The following DNAJC5B variants were observed in gnomAD, a reference collection of about 807,000 sequenced individuals.
DNAJC5B encodes the protein dnaJ homolog subfamily C member 5B.
Under a neutral mutation model 24.7 loss-of-function variants are expected in DNAJC5B, and 23 were observed. The ratio of observed to expected loss-of-function variants is 0.93; its 90% confidence interval spans 0.67 to 1.32. The LOEUF (loss-of-function observed/expected upper bound fraction) is 1.32. DNAJC5B is among the 40% of genes most tolerant of loss of function. The pLI is 0.00. For synonymous variants in DNAJC5B, 101 were observed against 90.1 expected (o/e 1.12, Z -0.68); for missense variants, 238 against 240.8 (o/e 0.99, Z 0.08).
upstream of DNAJC5B, among the ~76,000 whole-genome samples, chr8:66,020,985 T>C (rs1484136257): frequency 6.6e-6 from 1 of 152,104 alleles, no homozygotes; most frequent in African/African-American, 2.4e-5. Context: ...TATCATCAAA[T>C]CTCAATGAAA....
chr8:66,022,420 C>G (rs143543389), intron 1 of DNAJC5B, among the ~76,000 whole-genome samples: 1 of 152,144 alleles, frequency 6.6e-6, no homozygotes, highest in African/African-American at 2.4e-5. Context: ...TGTGGACTCC[C>G]TTGGGTCTTA....
intron 5 of DNAJC5B, among the ~76,000 whole-genome samples, chr8:66,084,356 C>T (rs1389589579): frequency 1.3e-5 from 2 of 152,112 alleles, no homozygotes; most frequent in Non-Finnish European, 2.9e-5. Flanking sequence ...AGGTTTGAAT[C>T]CATTAGAAGG....
intron 5 of DNAJC5B, among the ~76,000 whole-genome samples, chr8:66,088,422 T>C (rs1047704468): frequency 2.0e-5 from 3 of 152,234 alleles, no homozygotes; most frequent in Non-Finnish European, 2.9e-5. Flanking sequence ...CCCATCATCT[T>C]GGCTATTAAC....
chr8:66,035,444 A>C lies in DNAJC5B; in HGVS notation c.-141-8044A>C, dbSNP rs576404316. Among the ~76,000 whole-genome samples the C allele has an allele frequency of 3.3e-5, 5 of 152,280 alleles. No homozygotes were observed. The East Asian group carries it at 9.6e-4, about 29-fold the overall frequency. On this transcript the variant is annotated intron_variant, in intron 1 of 5. Transcript: ENST00000276570. The stretch of plus-strand genomic sequence containing the variant: ...TAGGGTGGGCCCTTAATCCGATATG[A>C]CTGGAGTCCTCCTTAGAAAAGGAGA...
chr8:66,017,410 G>A (rs1469585838), upstream of DNAJC5B, among the ~76,000 whole-genome samples: 23 of 152,126 alleles, frequency 1.5e-4, no homozygotes, highest in Admixed American at 1.4e-3. Context: ...TACATGAGGT[G>A]GGTCCCATAG....
rs182686044 is a variant in DNAJC5B, at chr8:66,079,083, A to G, written c.334-1294A>G. The stretch of plus-strand genomic sequence containing the variant: ...CTCAATTCACAAAAACTGACTTTTT[A>G]TAACTTCACATTGGAGGAGTTGAGA... On this transcript the variant is annotated intron_variant, in intron 4 of 5. Coordinates refer to ENST00000276570, the MANE Select transcript of DNAJC5B (RefSeq NM_033105.6). Among the ~76,000 whole-genome samples the G allele has an allele frequency of 3.9e-5, 6 of 152,338 alleles. No individual in the cohort carries two copies. In the East Asian group the frequency reaches 1.2e-3, roughly 29 times the overall value.
intron 5 of DNAJC5B, among the ~76,000 whole-genome samples, chr8:66,089,330 A>C (rs1807795971): frequency 6.6e-6 from 1 of 152,222 alleles, no homozygotes; most frequent in African/African-American, 2.4e-5. Flanking sequence ...ATTACTATTC[A>C]AGATGAGATT....
chr8:66,020,292 G>C (rs772152166), upstream of DNAJC5B, among the ~76,000 whole-genome samples: 8 of 152,290 alleles, frequency 5.3e-5, no homozygotes, highest in Non-Finnish European at 1.2e-4. Flanking sequence ...AGATTAAATA[G>C]AGTGATATGT....
chr8:66,015,542 G>C, the DNAJC5B span, among the ~76,000 whole-genome samples: 1,929 of 131,102 alleles, frequency 0.015, 18 homozygotes, highest in Non-Finnish European at 0.022. Flanking sequence ...GCTGAGAAGG[G>C]AGAGCGAGAA....
At chr8:66,050,983 C>T (rs905002494) in intron 2 of DNAJC5B, among the ~76,000 whole-genome samples, 6 of 152,186 alleles carry the variant, frequency 3.9e-5, no homozygotes, top group Non-Finnish European at 7.3e-5. Context: ...TTAAAATCTA[C>T]TCCCTAGCGA....
intron 3 of DNAJC5B, among the ~76,000 whole-genome samples, chr8:66,067,988 C>T (rs1461043885): frequency 6.6e-6 from 1 of 152,172 alleles, no homozygotes; most frequent in African/African-American, 2.4e-5. Flanking sequence ...TGGACTGCAA[C>T]TGAACTTCGA....
At chr8:66,039,539 G>A (rs1157488957) in intron 1 of DNAJC5B, among the ~76,000 whole-genome samples, 3 of 151,814 alleles carry the variant, frequency 2.0e-5, no homozygotes, top group South Asian at 2.1e-4. Context: ...TAGTAGAGAC[G>A]GGGTTTCATC....
intron 1 of DNAJC5B, among the ~76,000 whole-genome samples, chr8:66,029,103 C>T (rs1001484316): frequency 3.3e-5 from 5 of 152,350 alleles, no homozygotes; most frequent in Non-Finnish European, 7.3e-5. Flanking sequence ...CTAATCCGGC[C>T]TCCTCCAGGA....
intron 5 of DNAJC5B, 96 bp downstream of exon 5, chr8:66,080,644 C>T: frequency 9.3e-7 from 1 of 1,080,952 alleles, no homozygotes; most frequent in Admixed American, 3.0e-5. Flanking sequence ...AGTAGGAGAG[C>T]TCCCACAACC....
chr8:66,043,263 T>C (rs1806652621), intron 1 of DNAJC5B, among the ~76,000 whole-genome samples: 4 of 152,166 alleles, frequency 2.6e-5, no homozygotes, highest in Admixed American at 1.3e-4. Context: ...GAAATGAAGT[T>C]TGAAGGAACC....
At chr8:66,067,791 A>G (rs1169657560) in intron 3 of DNAJC5B, among the ~76,000 whole-genome samples, 1 of 152,226 alleles carries the variant, frequency 6.6e-6, no homozygotes, top group Non-Finnish European at 1.5e-5. Flanking sequence ...TCTTGGGAGC[A>G]TATCTATCAG....
intron 5 of DNAJC5B, among the ~76,000 whole-genome samples, chr8:66,081,608 C>A (rs190402600): frequency 1.3e-5 from 2 of 152,242 alleles, no homozygotes; most frequent in Admixed American, 1.3e-4. Flanking sequence ...CTTTTATTCC[C>A]TATGAAATGC....
intron 1 of DNAJC5B, among the ~76,000 whole-genome samples, chr8:66,038,948 G>A (rs1432349180): frequency 6.6e-6 from 1 of 152,208 alleles, no homozygotes; most frequent in East Asian, 1.9e-4. Context: ...CTCAGATTCT[G>A]AGCTTTACTT....
At chr8:66,015,655 G>A in the DNAJC5B span, among the ~76,000 whole-genome samples, 1 of 152,162 alleles carries the variant, frequency 6.6e-6, no homozygotes, top group Non-Finnish European at 1.5e-5. Flanking sequence ...TATTAAATGG[G>A]GGCTCAGGTC....
Sources: gnomAD v4.1 joint callset for allele counts (sites outside exome capture counted in the v4.1 genomes callset) on GRCh38, gnomAD v4.1.1 for gene constraint, MANE v1.5 for transcripts, NCBI Gene and HGNC (gene_info 2026-07-23, HGNC 2026-07-21) for gene names.